ALK: variants seen among roughly 807,000 people sequenced by gnomAD.
ALK encodes the protein ALK receptor tyrosine kinase.
In ALK, 74 loss-of-function variants were observed where a neutral mutation model predicts 163.1. The ratio of observed to expected loss-of-function variants is 0.45; its 90% CI spans 0.38 to 0.55. The LOEUF (loss-of-function observed/expected upper bound fraction) is 0.55, where lower values mean the gene tolerates loss of function less well. Ranked by LOEUF, ALK falls within the 20% of genes least tolerant of loss-of-function variation. The pLI, the probability that ALK is intolerant of heterozygous loss-of-function variation, is 0.00. For synonymous variants in ALK, 960 were observed against 843.2 expected (o/e 1.14, Z -2.40); for missense variants, 2,063 against 2,105.3 (o/e 0.98, Z 0.39).
intron 6 of ALK, among the ~76,000 whole-genome samples, chr2:29,325,390 G>A (rs1667221657): frequency 6.6e-6 from 1 of 152,334 alleles, no homozygotes; most frequent in East Asian, 1.9e-4. Context: ...CATTTACTGA[G>A]CACTTACTTT....
At chr2:29,341,172 C>T (rs1388527445) in intron 5 of ALK, among the ~76,000 whole-genome samples, 12 of 152,152 alleles carry the variant, frequency 7.9e-5, no homozygotes. Context: ...TCCACATAGC[C>T]CCAACTCCTG....
At chr2:29,710,373 C>T (rs1011226683) in intron 2 of ALK, among the ~76,000 whole-genome samples, 1 of 152,146 alleles carries the variant, frequency 6.6e-6, no homozygotes, top group African/African-American at 2.4e-5. Flanking sequence ...GGTTCTCCTC[C>T]TGTCTCCCAT....
At chr2:29,868,225 G>C (rs567047631) in intron 1 of ALK, among the ~76,000 whole-genome samples, 7 of 152,224 alleles carry the variant, frequency 4.6e-5, no homozygotes, top group Admixed American at 2.0e-4. Flanking sequence ...AAGATGGGAG[G>C]TGGCCAAGAG....
chr2:29,688,741 TTTC>T (rs1558442789), intron 3 of ALK, among the ~76,000 whole-genome samples: 2 of 152,290 alleles, frequency 1.3e-5, no homozygotes, highest in Middle Eastern at 3.4e-3. Context: ...CAATTACATT[TTTC>T]TTCTATTCCA....
At chr2:29,200,393 G>T (rs1401701803) in intron 26 of ALK, among the ~76,000 whole-genome samples, 1 of 152,006 alleles carries the variant, frequency 6.6e-6, no homozygotes, top group Non-Finnish European at 1.5e-5. Context: ...AAGTAGTATT[G>T]GTCATAGAAC....
intron 4 of ALK, among the ~76,000 whole-genome samples, chr2:29,442,937 T>A (rs191818705): frequency 8.1e-4 from 123 of 152,354 alleles, no homozygotes; most frequent in Non-Finnish European, 1.4e-3. Flanking sequence ...AGCGTGACTC[T>A]ACCACTGGGT....
intron 13 of ALK, among the ~76,000 whole-genome samples, chr2:29,239,255 C>T (rs1401855467): frequency 6.6e-6 from 1 of 152,200 alleles, no homozygotes; most frequent in Non-Finnish European, 1.5e-5. Context: ...AAGTAAACTG[C>T]TTTCTCGGTA....
intron 9 of ALK, among the ~76,000 whole-genome samples, chr2:29,290,363 G>A (rs1458933278): frequency 6.6e-6 from 1 of 152,220 alleles, no homozygotes; most frequent in East Asian, 1.9e-4. Context: ...GAGTGAGGAG[G>A]CGCAGGAGCT....
At chr2:29,441,528 A>G (rs1280589020) in intron 4 of ALK, among the ~76,000 whole-genome samples, 1 of 152,146 alleles carries the variant, frequency 6.6e-6, no homozygotes, top group Non-Finnish European at 1.5e-5. Flanking sequence ...GAGTCTGGGG[A>G]AGCTGAAGAG....
chr2:29,637,174 A>T (rs1676558571), intron 3 of ALK, among the ~76,000 whole-genome samples: 1 of 152,240 alleles, frequency 6.6e-6, no homozygotes, highest in Non-Finnish European at 1.5e-5. Context: ...GTCCCAAACT[A>T]GAAACCAACA....
chr2:29,272,067 G>T (rs1435054142), intron 11 of ALK, among the ~76,000 whole-genome samples: 1 of 152,168 alleles, frequency 6.6e-6, no homozygotes, highest in Admixed American at 6.5e-5. Context: ...GGGAAAGAGT[G>T]TGGCAGAGCC....
intron 1 of ALK, among the ~76,000 whole-genome samples, chr2:29,764,294 G>A (rs1479595843): frequency 2.6e-5 from 4 of 152,126 alleles, no homozygotes; most frequent in Non-Finnish European, 5.9e-5. Context: ...CCTGGGGGTG[G>A]TCCCTGAGTA....
rs1270019179 is a variant in ALK at position 29,345,451 on chromosome 2, TA to T, written c.1283-16971del. ...ATAAATAAATAAATAAATAAATAAATAAATAAAAATAATACTCAGTCCTAGC... is the reference window on the plus strand; with the variant it reads ...ATAAATAAATAAATAAATAAATAAATAATAAAAATAATACTCAGTCCTAGC... On this transcript the variant is annotated intron_variant, in intron 5 of 28. Transcript: ENST00000389048. Among the ~76,000 whole-genome samples the T allele has an allele frequency of 1.7e-4, 25 of 146,632 alleles. 1 individual carries two copies. The South Asian group carries it at 5.3e-3, about 31-fold the overall frequency.
chr2:29,765,660 A>G (rs942376806), intron 1 of ALK, among the ~76,000 whole-genome samples: 10 of 152,122 alleles, frequency 6.6e-5, no homozygotes, highest in Non-Finnish European at 1.2e-4. Flanking sequence ...TAAATTTAAA[A>G]ATGCATGTCA....
intron 4 of ALK, among the ~76,000 whole-genome samples, chr2:29,438,025 G>A (rs745750098): frequency 6.6e-5 from 10 of 151,984 alleles, no homozygotes; most frequent in Non-Finnish European, 1.2e-4. Flanking sequence ...GCAAATGGTT[G>A]AAGGCTATTC....
At chr2:29,511,317 T>C (rs1672508093) in intron 4 of ALK, among the ~76,000 whole-genome samples, 1 of 152,174 alleles carries the variant, frequency 6.6e-6, no homozygotes, top group South Asian at 2.1e-4. Context: ...GGGGAACCAC[T>C]GCCTTGCTCT....
At chr2:29,312,325 T>C (rs1205458143) in intron 8 of ALK, among the ~76,000 whole-genome samples, 3 of 151,904 alleles carry the variant, frequency 2.0e-5, no homozygotes, top group Admixed American at 2.0e-4. Context: ...TCATTTCTCC[T>C]GACAGCCCTG....
At chr2:29,629,796 G>GGTC (rs1282234332) in intron 3 of ALK, among the ~76,000 whole-genome samples, 1 of 152,132 alleles carries the variant, frequency 6.6e-6, no homozygotes, top group Non-Finnish European at 1.5e-5. Context: ...TCATTTTACA[G>GGTC]GTCAAAGCAG....
chr2:29,714,812 A>G (rs145375749), intron 2 of ALK, among the ~76,000 whole-genome samples: 220 of 152,314 alleles, frequency 1.4e-3, no homozygotes, highest in African/African-American at 5.0e-3. Flanking sequence ...GTTGAAAGGT[A>G]TGGATTTATC....
Sources: allele counts gnomAD v4.1 joint callset (sites outside exome capture counted in the v4.1 genomes callset), GRCh38; gene constraint gnomAD v4.1.1; transcripts MANE v1.5; gene names NCBI Gene and HGNC (gene_info 2026-07-23, HGNC 2026-07-21).